SLC2A13: variants seen among roughly 807,000 people sequenced by gnomAD.
SLC2A13 encodes the protein solute carrier family 2 member 13, also known as proton myo-inositol cotransporter.
In SLC2A13, 32 loss-of-function variants were observed where a neutral mutation model predicts 64.4. The ratio of observed to expected loss-of-function variants is 0.50; its 90% CI spans 0.37 to 0.67. SLC2A13 has a LOEUF of 0.67. Among genes scored for constraint, SLC2A13 ranks in the 30% least tolerant of loss-of-function variants. The pLI is 0.00. For missense variants in SLC2A13, 743 were observed against 829.2 expected (o/e 0.90, Z 1.28); for synonymous variants, 338 against 327.1 (o/e 1.03, Z -0.36).
intron 7 of SLC2A13, among the ~76,000 whole-genome samples, chr12:39,780,121 T>C (rs1940926827): frequency 6.6e-6 from 1 of 152,236 alleles, no homozygotes; most frequent in Admixed American, 6.5e-5. Flanking sequence ...ACTTACCGTA[T>C]ACAAAACACC....
chr12:39,837,319 C>T (rs1242266205), intron 6 of SLC2A13, among the ~76,000 whole-genome samples: 1 of 146,186 alleles, frequency 6.8e-6, no homozygotes, highest in Non-Finnish European at 1.5e-5. Context: ...CCCTTCCTTA[C>T]ACCTTATACA....
At chr12:40,013,044 A>G (rs1007892495) in intron 3 of SLC2A13, among the ~76,000 whole-genome samples, 1 of 152,210 alleles carries the variant, frequency 6.6e-6, no homozygotes, top group Non-Finnish European at 1.5e-5. Flanking sequence ...GGAGACAGTA[A>G]AGGAATATGC....
intron 4 of SLC2A13, among the ~76,000 whole-genome samples, chr12:39,896,293 T>TATAC (rs1314973504): frequency 1.9e-5 from 2 of 105,942 alleles, no homozygotes; most frequent in Admixed American, 9.2e-5. Flanking sequence ...TATGTATATG[T>TATAC]GTGTATATAT....
intron 3 of SLC2A13, among the ~76,000 whole-genome samples, chr12:39,996,989 C>T (rs2136175520): frequency 6.6e-6 from 1 of 152,188 alleles, no homozygotes; most frequent in East Asian, 1.9e-4. Flanking sequence ...CAATGCAATT[C>T]CAATCAAAAT....
At chr12:39,822,779 T>C (rs111543912) in intron 7 of SLC2A13, among the ~76,000 whole-genome samples, 1,585 of 152,330 alleles carry the variant, frequency 0.01, 22 homozygotes, top group African/African-American at 0.035. Flanking sequence ...ATGGGTTGAC[T>C]AGAAATATTA....
Position 39,807,956 on chromosome 12 carries a change from G to T in SLC2A13, c.1445+22147C>A, listed in dbSNP as rs113697497. ...GTATGCTATAATTCTTGGAAGTCAA[G>T]AAATCCAGTACTTTAATCATCTATT... On this transcript the variant is annotated intron_variant, in intron 7 of 9. Coordinates refer to ENST00000280871, the MANE Select transcript of SLC2A13 (RefSeq NM_052885.4). 2.4e-3 allele frequency among the ~76,000 whole-genome samples: 365 copies of T among 152,202 alleles called. 1 individual carries two copies. Among genetic ancestry groups the T allele is most frequent in the African/African-American group, 8.5e-3 (352 of 41,530 alleles).
intron 7 of SLC2A13, among the ~76,000 whole-genome samples, chr12:39,788,143 A>T (rs1327023779): frequency 1.3e-5 from 2 of 152,142 alleles, no homozygotes; most frequent in South Asian, 2.1e-4. Flanking sequence ...TATGTGAGGG[A>T]TACATTCCAA....
chr12:39,933,608 C>T (rs1396070561), intron 4 of SLC2A13, among the ~76,000 whole-genome samples: 2 of 152,104 alleles, frequency 1.3e-5, no homozygotes, highest in Non-Finnish European at 2.9e-5. Flanking sequence ...GTCATTATTT[C>T]GTCTGAAAAT....
At chr12:39,890,921 T>G (rs1016097254) in intron 4 of SLC2A13, among the ~76,000 whole-genome samples, 2 of 152,166 alleles carry the variant, frequency 1.3e-5, no homozygotes, top group Non-Finnish European at 2.9e-5. Flanking sequence ...TACATAATTT[T>G]AATTCTGTTA....
At chr12:39,762,438 A>G (rs1257178012) in intron 9 of SLC2A13, among the ~76,000 whole-genome samples, 1 of 120,092 alleles carries the variant, frequency 8.3e-6, no homozygotes, top group African/African-American at 2.8e-5. Context: ...AGAAGCTTTG[A>G]CATAATGCCC....
At chr12:39,861,443 A>G (rs1214521120) in intron 6 of SLC2A13, among the ~76,000 whole-genome samples, 1 of 152,224 alleles carries the variant, frequency 6.6e-6, no homozygotes, top group Non-Finnish European at 1.5e-5. Flanking sequence ...GCTTTAGGAA[A>G]TATCTGTCTA....
At chr12:40,082,307 C>G (rs1938434963) in intron 1 of SLC2A13, among the ~76,000 whole-genome samples, 1 of 152,210 alleles carries the variant, frequency 6.6e-6, no homozygotes, top group South Asian at 2.1e-4. Flanking sequence ...TGTTGGTCTT[C>G]AAATTTTGAC....
chr12:40,086,064 C>T (rs1938578895), intron 1 of SLC2A13, among the ~76,000 whole-genome samples: 1 of 152,168 alleles, frequency 6.6e-6, no homozygotes, highest in Non-Finnish European at 1.5e-5. Context: ...GTCTTGAACT[C>T]CTGACCTCGT....
intron 2 of SLC2A13, among the ~76,000 whole-genome samples, chr12:40,029,805 C>T (rs916270014): frequency 3.3e-5 from 5 of 152,134 alleles, no homozygotes; most frequent in African/African-American, 1.2e-4. Flanking sequence ...ATCAGTTGGC[C>T]TGCAGTGTTA....
Position 39,831,667 on chromosome 12 carries a change from G to T in SLC2A13, c.1320-1439C>A, listed in dbSNP as rs540043936. On this transcript the variant is annotated intron_variant, in intron 6 of 9. Transcript: ENST00000280871. Reference sequence around the variant, plus strand: ...GGGAGGTATTGAATCATGGGGGAAAGATCCCTCATGAATGGTTTAGTGCCA... The same window carrying T: ...GGGAGGTATTGAATCATGGGGGAAATATCCCTCATGAATGGTTTAGTGCCA... Among the ~76,000 whole-genome samples the T allele has an allele frequency of 2.0e-5, 3 of 152,166 alleles. No individual in the cohort carries two copies. In the East Asian group the frequency reaches 5.8e-4, roughly 29 times the overall value.
At chr12:39,980,614 G>C (rs977577489) in intron 3 of SLC2A13, among the ~76,000 whole-genome samples, 22 of 150,684 alleles carry the variant, frequency 1.5e-4, no homozygotes, top group African/African-American at 5.3e-4. Flanking sequence ...AATTCAACAA[G>C]AGGAGCTAAC....
intron 7 of SLC2A13, among the ~76,000 whole-genome samples, chr12:39,812,429 C>G (rs1365951329): frequency 2.8e-5 from 4 of 145,062 alleles, no homozygotes; most frequent in African/African-American, 1.0e-4. Context: ...TTCCTGCCTT[C>G]CTTCCTTTTC....
At chr12:40,040,485 TG>T (rs1463346104) in intron 2 of SLC2A13, among the ~76,000 whole-genome samples, 14 of 151,820 alleles carry the variant, frequency 9.2e-5, no homozygotes, top group African/African-American at 3.4e-4. Context: ...CTCTGCCTTC[TG>T]GGTTCAAGAT....
intron 4 of SLC2A13, among the ~76,000 whole-genome samples, chr12:39,919,224 C>T (rs184122099): frequency 4.6e-5 from 7 of 152,058 alleles, no homozygotes; most frequent in South Asian, 2.1e-4. Flanking sequence ...CCACTGTGCT[C>T]GGCCGATTAT....
Sources: gnomAD v4.1 joint callset for allele counts (sites outside exome capture counted in the v4.1 genomes callset) on GRCh38, gnomAD v4.1.1 for gene constraint, MANE v1.5 for transcripts, NCBI Gene and HGNC (gene_info 2026-07-23, HGNC 2026-07-21) for gene names.